The following NAALADL2 variants were observed in gnomAD, a reference collection of about 807,000 sequenced individuals.
NAALADL2 encodes the protein N-acetylated alpha-linked acidic dipeptidase like 2.
A neutral mutation model predicts 87.2 loss-of-function variants in NAALADL2; 76 were observed. The ratio of observed to expected loss-of-function variants is 0.87; its 90% confidence interval spans 0.72 to 1.05. NAALADL2 has a LOEUF of 1.05. Ranked by LOEUF, NAALADL2 falls within the 50% of genes least tolerant of loss-of-function variation. The probability of loss-of-function intolerance (pLI) is 0.00; values close to 1 mark genes in which losing one functional copy is unlikely to be tolerated. For missense variants in NAALADL2, 1,089 were observed against 945.8 expected, an observed-to-expected ratio of 1.15 and a Z score of -1.99; for synonymous variants, 354 against 331.0, an observed-to-expected ratio of 1.07 and a Z score of -0.75.
At chr3:174,820,808 G>A (rs2109330667) in intron 3 of NAALADL2, among the ~76,000 whole-genome samples, 1 of 151,852 alleles carries the variant, frequency 6.6e-6, no homozygotes, top group Admixed American at 6.6e-5. Context: ...ATTATTTTCT[G>A]TTATTTGAAA....
chr3:174,880,197 T>C (rs1729029589), intron 1 of NAALADL2, among the ~76,000 whole-genome samples: 1 of 152,078 alleles, frequency 6.6e-6, no homozygotes, highest in African/African-American at 2.4e-5. Flanking sequence ...TGGCCAATTA[T>C]GTACTCAACG....
At chr3:174,816,502 TTTATAC>T (rs1273198333) in intron 3 of NAALADL2, among the ~76,000 whole-genome samples, 5 of 131,148 alleles carry the variant, frequency 3.8e-5, no homozygotes, top group African/African-American at 1.5e-4. Context: ...TATACATTAT[TTTATAC>T]ATTTATTTAT....
intron 3 of NAALADL2, among the ~76,000 whole-genome samples, chr3:174,827,162 C>T (rs983045727): frequency 6.6e-6 from 1 of 152,084 alleles, no homozygotes; most frequent in African/African-American, 2.4e-5. Context: ...ATAGAATAGT[C>T]TTGCAGTAAC....
intron 1 of NAALADL2, among the ~76,000 whole-genome samples, chr3:174,935,147 G>C (rs1030763689): frequency 6.8e-6 from 1 of 147,656 alleles, no homozygotes; most frequent in Non-Finnish European, 1.5e-5. Flanking sequence ...TGTTCATATA[G>C]ATGTTGGAAA....
chr3:175,078,184 C>G (rs752515263), intron 1 of NAALADL2, among the ~76,000 whole-genome samples: 1 of 152,034 alleles, frequency 6.6e-6, no homozygotes, highest in Non-Finnish European at 1.5e-5. Flanking sequence ...ACCACCATGC[C>G]TGGTTAATTT....
At chr3:175,070,075 A>C (rs888245127) in intron 1 of NAALADL2, among the ~76,000 whole-genome samples, 2,056 of 150,284 alleles carry the variant, frequency 0.014, 41 homozygotes, top group African/African-American at 0.048. Context: ...TGACGAGTTA[A>C]TGGGTGCAGC....
At chr3:175,716,084 A>G (rs1461997306) in intron 11 of NAALADL2, among the ~76,000 whole-genome samples, 1 of 148,816 alleles carries the variant, frequency 6.7e-6, no homozygotes, top group Non-Finnish European at 1.5e-5. Context: ...AATATGTTAC[A>G]TATATCATAT....
intron 6 of NAALADL2, among the ~76,000 whole-genome samples, chr3:175,453,179 C>A (rs1721828924): frequency 6.6e-6 from 1 of 152,114 alleles, no homozygotes; most frequent in African/African-American, 2.4e-5. Flanking sequence ...AAATACCTGT[C>A]ACTTTTTACA....
intron 5 of NAALADL2, among the ~76,000 whole-genome samples, chr3:175,413,124 C>T (rs1018315525): frequency 2.1e-5 from 3 of 143,308 alleles, no homozygotes; most frequent in African/African-American, 5.1e-5. Context: ...CTCCTGACCT[C>T]GTGATCTGCC....
intron 1 of NAALADL2, among the ~76,000 whole-genome samples, chr3:175,071,440 CTT>C (rs965979989): frequency 2.6e-5 from 4 of 152,014 alleles, no homozygotes; most frequent in African/African-American, 9.7e-5. Flanking sequence ...ATTCTTTTCT[CTT>C]TTTGTTATGT....
At chr3:175,675,639 C>T (rs1221980874) in intron 11 of NAALADL2, 1 of 152,152 alleles carries the variant, frequency 6.6e-6, no homozygotes, top group Non-Finnish European at 1.5e-5. Flanking sequence ...GCATTTTCAT[C>T]TCTAGCCCTC....
intron 1 of NAALADL2, among the ~76,000 whole-genome samples, chr3:174,997,565 C>G (rs772081559): frequency 2.0e-5 from 3 of 152,118 alleles, no homozygotes; most frequent in Non-Finnish European, 2.9e-5. Context: ...TGGCTCATGC[C>G]TGTAATCCTA....
At chr3:175,284,088 T>A (rs1393866918) in intron 4 of NAALADL2, among the ~76,000 whole-genome samples, 2 of 151,924 alleles carry the variant, frequency 1.3e-5, no homozygotes, top group African/African-American at 2.4e-5. Flanking sequence ...AATATTAGTG[T>A]AGTTTGAAGA....
chr3:175,580,138 C>T (rs1027450859), intron 10 of NAALADL2, among the ~76,000 whole-genome samples: 3 of 152,034 alleles, frequency 2.0e-5, no homozygotes, highest in Admixed American at 6.6e-5. Context: ...AATTCAAGTA[C>T]CGTAGGTATT....
Position 175,518,307 on chromosome 3 carries a change from A to G in NAALADL2, c.1653+46549A>G, listed in dbSNP as rs908239114. On this transcript the variant is annotated intron_variant, in intron 9 of 13. Coordinates refer to ENST00000454872, the MANE Select transcript of NAALADL2 (RefSeq NM_207015.3). ...ATTCATGAGCTTCATCCTCTTTCCTAAATTTTCAAACAACAATTAAACCAG... is the reference window on the plus strand; with the variant it reads ...ATTCATGAGCTTCATCCTCTTTCCTGAATTTTCAAACAACAATTAAACCAG... Among the ~76,000 whole-genome samples, 8 of 152,172 alleles carry G rather than the reference A, an allele frequency of 5.3e-5. No homozygotes were observed. In the South Asian group the frequency reaches 1.7e-3, roughly 31 times the overall value.
chr3:174,719,059 C>T (rs948876811), intron 2 of NAALADL2, among the ~76,000 whole-genome samples: 9 of 152,168 alleles, frequency 5.9e-5, no homozygotes, highest in African/African-American at 2.2e-4. Context: ...ACTGTTGCTG[C>T]ACATGAAGAC....
At chr3:175,505,098 TCTC>T (rs1454206356) in intron 9 of NAALADL2, among the ~76,000 whole-genome samples, 3 of 151,890 alleles carry the variant, frequency 2.0e-5, no homozygotes, top group Non-Finnish European at 4.4e-5. Context: ...CATGTAAAAA[TCTC>T]CTATTATGCT....
At chr3:175,618,395 A>G (rs1725655481) in intron 10 of NAALADL2, among the ~76,000 whole-genome samples, 1 of 152,176 alleles carries the variant, frequency 6.6e-6, no homozygotes, top group Non-Finnish European at 1.5e-5. Flanking sequence ...GAGGAGTAGG[A>G]CCAAAGGGAA....
At chr3:174,461,140 G>A (rs1284956582) in intron 1 of NAALADL2, among the ~76,000 whole-genome samples, 2 of 152,058 alleles carry the variant, frequency 1.3e-5, no homozygotes, top group African/African-American at 4.8e-5. Context: ...TAAATAGAAT[G>A]TAGGGAATGA....
Sources: allele counts gnomAD v4.1 joint callset (sites outside exome capture counted in the v4.1 genomes callset), GRCh38; gene constraint gnomAD v4.1.1; transcripts MANE v1.5; gene names NCBI Gene and HGNC (gene_info 2026-07-23, HGNC 2026-07-21).